CCDC149: variants seen among roughly 807,000 people sequenced by gnomAD.
The protein encoded by CCDC149 is coiled-coil domain containing 149.
A neutral mutation model predicts 59.9 loss-of-function variants in CCDC149; 45 were observed. The observed-to-expected ratio is 0.75, with a 90% CI of 0.59 to 0.96. CCDC149 has a LOEUF of 0.96. Ranked by LOEUF, CCDC149 falls within the 40% of genes least tolerant of loss-of-function variation. The probability of loss-of-function intolerance (pLI) is 0.00; values close to 1 mark genes in which losing one functional copy is unlikely to be tolerated. For missense variants in CCDC149, 584 were observed against 664.7 expected, an observed-to-expected ratio of 0.88 and a Z score of 1.33; for synonymous variants, 245 against 260.6, an observed-to-expected ratio of 0.94 and a Z score of 0.58.
chr4:24,839,758 G>A (rs1230132962), intron 4 of CCDC149, among the ~76,000 whole-genome samples: 1 of 152,190 alleles, frequency 6.6e-6, no homozygotes, highest in African/African-American at 2.4e-5. Flanking sequence ...TCCAAGGATT[G>A]CCACTGAAGA....
Position 24,806,339 on chromosome 4 carries a change from G to T in CCDC149, c.*2050C>A. 1 of 152,444 alleles carries T rather than the reference G, an allele frequency of 6.6e-6. No homozygotes were observed. The highest frequency in any genetic ancestry group is 1.5e-5 in the Non-Finnish European group (1 of 68,126). The allele number at this position is 152,444 out of a possible 1,614,324, so 9.4% of individuals were successfully genotyped here. A position where few individuals can be genotyped will look rare whatever the true frequency, so the allele number is the denominator to read the frequency against. ...TCACTCCTTATGACTCCTGCTCCCT[G>T]CCCTGCACCCTAGATTCTCTGGGAC... On this transcript the variant is annotated 3_prime_UTR_variant, in exon 13 of 13. Coordinates refer to ENST00000635206, the MANE Select transcript of CCDC149 (RefSeq NM_001330643.2).
In CCDC149 at chr4:24,808,705, T is replaced by C. The variant is rs1320543087; in HGVS notation, c.1307A>G (p.Asn436Ser). 3.9e-6 allele frequency: 6 copies of C among 1,552,318 alleles called. No individual in the cohort carries two copies. The highest frequency in any genetic ancestry group is 5.2e-6 in the Non-Finnish European group (6 of 1,147,124). Residue 436 changes from asparagine to serine, a missense_variant, in exon 13 of 13, where the codon AAC becomes AGC. Physicochemically the swap from Asn to Ser is conservative, Grantham distance 46. Transcript: ENST00000635206. Reference sequence around the variant, plus strand: ...TGAAGGATGAAAGAGCTTGCATTGGTTCCCGCGGCTCTGATTTGCTGGGGA... The same window carrying C: ...TGAAGGATGAAAGAGCTTGCATTGGCTCCCGCGGCTCTGATTTGCTGGGGA...
intron 2 of CCDC149, among the ~76,000 whole-genome samples, chr4:24,875,428 A>T (rs1416066437): frequency 6.6e-6 from 1 of 152,182 alleles, no homozygotes; most frequent in Non-Finnish European, 1.5e-5. Flanking sequence ...GATGTCCAAA[A>T]TAAAGTGCTG....
intron 3 of CCDC149, among the ~76,000 whole-genome samples, chr4:24,873,454 T>C (rs1560229796): frequency 6.6e-6 from 1 of 152,150 alleles, no homozygotes; most frequent in South Asian, 2.1e-4. Flanking sequence ...ATTCCCAACA[T>C]GAAAGGGAAT....
At chr4:24,910,246 G>A (rs1028983806) in intron 1 of CCDC149, among the ~76,000 whole-genome samples, 1 of 152,158 alleles carries the variant, frequency 6.6e-6, no homozygotes, top group Non-Finnish European at 1.5e-5. Flanking sequence ...TCTTCCCATA[G>A]CCTGCTCCCT....
At chr4:24,853,309 A>G in intron 3 of CCDC149, 130 bp from the exon 4 acceptor site, 2 of 693,684 alleles carry the variant, frequency 2.9e-6, no homozygotes, top group South Asian at 3.2e-5. Flanking sequence ...TAGTAAACAC[A>G]TATATGAATG....
At chr4:24,914,733 C>T (rs1335508953), upstream of CCDC149, among the ~76,000 whole-genome samples, 2 of 152,110 alleles carry the variant, frequency 1.3e-5, no homozygotes, top group African/African-American at 2.4e-5. Context: ...AGTTTTAGGG[C>T]GATTTGCTAG....
At position 24,889,317 on chromosome 4, in the gene CCDC149, C is replaced by T. The variant is rs770433810; in HGVS notation, c.64-12620G>A. Among the ~76,000 whole-genome samples, 15 of 152,126 alleles carry T rather than the reference C, an allele frequency of 9.9e-5. 1 individual carries two copies. Among genetic ancestry groups the T allele is most frequent in the Admixed American group, 2.6e-4 (4 of 15,270 alleles). On this transcript the variant is annotated intron_variant, in intron 1 of 12. Coordinates refer to ENST00000635206, the MANE Select transcript of CCDC149 (RefSeq NM_001330643.2). ...GGCTTTCTTTCTCATTGGCCATAAA[C>T]GGGCTAGGAAACCACCTCTCACTTG...
rs150879717 is a variant in CCDC149, at chr4:24,925,440, G to A, written c.-64-30322C>T. On this transcript the variant is annotated intron_variant, in intron 1 of 12. Coordinates refer to the CCDC149 transcript ENST00000389609. ...GGGTCAAAAGAATTCTTTTCATCTC[G>A]TACTGTCTCTGTTCCTGTCCATCAA... Among the ~76,000 whole-genome samples, 420 of 152,146 alleles carry A rather than the reference G, an allele frequency of 2.8e-3. 3 individuals are homozygous for A. The highest frequency in any genetic ancestry group is 9.4e-3 in the African/African-American group (391 of 41,504).
intron 1 of CCDC149, among the ~76,000 whole-genome samples, chr4:24,930,739 C>G (rs1722563220): frequency 6.6e-6 from 1 of 152,172 alleles, no homozygotes; most frequent in South Asian, 2.1e-4. Flanking sequence ...CCAGTTTCAA[C>G]AGCAAACAAG....
At chr4:24,804,944 C>G (rs1429025219), downstream of CCDC149, among the ~76,000 whole-genome samples, 2 of 152,060 alleles carry the variant, frequency 1.3e-5, no homozygotes, top group Non-Finnish European at 2.9e-5. Context: ...AGCCTCCCAG[C>G]TAGAGAGGCT....
intron 1 of CCDC149, among the ~76,000 whole-genome samples, chr4:24,953,121 T>C (rs1028157154): frequency 2.0e-5 from 3 of 152,050 alleles, no homozygotes; most frequent in African/African-American, 4.8e-5. Flanking sequence ...CCACTGTCTA[T>C]TGGGTCCAGA....
intron 1 of CCDC149, among the ~76,000 whole-genome samples, chr4:24,979,159 C>T (rs1321556415): frequency 6.6e-6 from 1 of 152,184 alleles, no homozygotes; most frequent in Non-Finnish European, 1.5e-5. Context: ...TACTGTGCAG[C>T]ATATCTCCTT....
intron 1 of CCDC149, among the ~76,000 whole-genome samples, chr4:24,920,799 G>A (rs1722263205): frequency 6.6e-6 from 1 of 152,158 alleles, no homozygotes. Context: ...TTATCTTAAT[G>A]GAAACTAAAT....
At chr4:24,942,045 A>C (rs1262628079) in intron 1 of CCDC149, among the ~76,000 whole-genome samples, 1 of 152,232 alleles carries the variant, frequency 6.6e-6, no homozygotes, top group Admixed American at 6.5e-5. Context: ...AACTCATTTT[A>C]TGAGGCCAGC....
At chr4:24,828,129 C>T (rs1325132709) in intron 9 of CCDC149, 1 of 152,020 alleles carries the variant, frequency 6.6e-6, no homozygotes, top group African/African-American at 2.4e-5. Flanking sequence ...AAACAGAGGA[C>T]CCCCTAAGTA....
At chr4:24,942,287 G>C (rs1424393407) in intron 1 of CCDC149, among the ~76,000 whole-genome samples, 1 of 152,048 alleles carries the variant, frequency 6.6e-6, no homozygotes, top group East Asian at 1.9e-4. Context: ...CAGAACCAAA[G>C]ACAAAAACCA....
intron 4 of CCDC149, among the ~76,000 whole-genome samples, chr4:24,842,197 C>A (rs956562132): frequency 3.3e-5 from 5 of 152,190 alleles, no homozygotes; most frequent in African/African-American, 1.2e-4. Flanking sequence ...CTCTTTGATA[C>A]TTAGCACAGG....
intron 12 of CCDC149, among the ~76,000 whole-genome samples, chr4:24,809,059 C>A (rs1013208385): frequency 6.6e-6 from 1 of 152,150 alleles, no homozygotes; most frequent in African/African-American, 2.4e-5. Flanking sequence ...GCACTTGGGC[C>A]ATGTCATAAT....
Sources: allele counts gnomAD v4.1 joint callset (sites outside exome capture counted in the v4.1 genomes callset), GRCh38; gene constraint gnomAD v4.1.1; transcripts MANE v1.5; gene names NCBI Gene and HGNC (gene_info 2026-07-23, HGNC 2026-07-21).